PCDH7: variants seen among roughly 807,000 people sequenced by gnomAD.
PCDH7 encodes the protein protocadherin 7.
PCDH7 carries 17 observed loss-of-function variants against 58.9 expected under a neutral mutation model. The observed-to-expected ratio is 0.29, with a 90% CI of 0.20 to 0.43. The LOEUF (loss-of-function observed/expected upper bound fraction) is 0.43, where lower values mean the gene tolerates loss of function less well. Among genes scored for constraint, PCDH7 ranks in the 20% least tolerant of loss-of-function variants. The pLI is 1.00. For missense variants in PCDH7, 1,274 were observed against 1,441.0 expected, an observed-to-expected ratio of 0.88 and a Z score of 1.88; for synonymous variants, 664 against 616.4, an observed-to-expected ratio of 1.08 and a Z score of -1.14.
At chr4:30,779,892 A>G (rs1421563612) in intron 1 of PCDH7, among the ~76,000 whole-genome samples, 1 of 152,094 alleles carries the variant, frequency 6.6e-6, no homozygotes, top group Non-Finnish European at 1.5e-5. Context: ...TATTCACTTC[A>G]TCTTCTCATT....
intron 3 of PCDH7, among the ~76,000 whole-genome samples, chr4:31,117,889 A>C (rs766166629): frequency 6.6e-6 from 1 of 152,156 alleles, no homozygotes; most frequent in Non-Finnish European, 1.5e-5. Context: ...CCAACATTTC[A>C]TTTCTATTGA....
At chr4:30,846,535 T>A (rs937785273) in intron 1 of PCDH7, among the ~76,000 whole-genome samples, 3 of 151,924 alleles carry the variant, frequency 2.0e-5, no homozygotes, top group Non-Finnish European at 4.4e-5. Context: ...TATGTTATAG[T>A]AACACAAAAT....
intron 1 of PCDH7, among the ~76,000 whole-genome samples, chr4:30,908,103 G>A (rs1248965680): frequency 6.6e-6 from 1 of 152,052 alleles, no homozygotes; most frequent in African/African-American, 2.4e-5. Context: ...CGGTTCGGGG[G>A]TGAGGGGCTA....
chr4:30,815,241 T>C (rs1443929564), intron 1 of PCDH7, among the ~76,000 whole-genome samples: 2 of 152,142 alleles, frequency 1.3e-5, no homozygotes, highest in Middle Eastern at 6.8e-3. Flanking sequence ...TCCATCCATA[T>C]GGGTCTGCAA....
chr4:30,927,083 C>T (rs1295528144), intron 2 of PCDH7, among the ~76,000 whole-genome samples: 1 of 152,158 alleles, frequency 6.6e-6, no homozygotes, highest in African/African-American at 2.4e-5. Context: ...CATCAAATCT[C>T]AAAGTGACTT....
intron 1 of PCDH7, among the ~76,000 whole-genome samples, chr4:30,836,773 T>C (rs146382321): frequency 6.6e-6 from 1 of 152,256 alleles, no homozygotes; most frequent in East Asian, 1.9e-4. Context: ...AATAGGATTA[T>C]AATATCTGCA....
At chr4:31,057,814 A>ATCC (rs1757374868) in intron 3 of PCDH7, among the ~76,000 whole-genome samples, 1 of 152,132 alleles carries the variant, frequency 6.6e-6, no homozygotes, top group African/African-American at 2.4e-5. Flanking sequence ...GCACAATCAG[A>ATCC]ATGCAAAACC....
At chr4:30,762,950 T>C (rs1392276626) in intron 1 of PCDH7, among the ~76,000 whole-genome samples, 1 of 152,146 alleles carries the variant, frequency 6.6e-6, no homozygotes, top group Non-Finnish European at 1.5e-5. Context: ...AATATAAATA[T>C]ATTTAGCCTA....
chr4:30,933,181 C>T (rs2109428312), intron 2 of PCDH7, among the ~76,000 whole-genome samples: 1 of 152,120 alleles, frequency 6.6e-6, no homozygotes. Context: ...CGCATGCTAC[C>T]ACACCCAGCT....
intron 3 of PCDH7, among the ~76,000 whole-genome samples, chr4:31,085,611 A>G (rs1302368362): frequency 2.6e-5 from 4 of 152,186 alleles, no homozygotes; most frequent in Non-Finnish European, 2.9e-5. Context: ...TGTCTCAGGC[A>G]TAATTTTCCA....
At chr4:30,725,037 A>G in intron 1 of PCDH7, 1 of 1,006,016 alleles carries the variant, frequency 9.9e-7, no homozygotes, top group Non-Finnish European at 1.2e-6. Flanking sequence ...TGGATTCCAT[A>G]GAAGTTTTAG....
At chr4:30,989,969 T>C (rs988471597) in intron 3 of PCDH7, among the ~76,000 whole-genome samples, 2 of 152,118 alleles carry the variant, frequency 1.3e-5, no homozygotes, top group Non-Finnish European at 2.9e-5. Flanking sequence ...CCTGATAATA[T>C]ATGTGGTACC....
chr4:30,987,384 C>T (rs762700775), intron 3 of PCDH7, among the ~76,000 whole-genome samples: 9 of 151,934 alleles, frequency 5.9e-5, no homozygotes, highest in Non-Finnish European at 1.0e-4. Flanking sequence ...GCGACTGCCT[C>T]AAAAGCTTCT....
intron 3 of PCDH7, among the ~76,000 whole-genome samples, chr4:31,039,461 A>G (rs1008054707): frequency 6.6e-6 from 1 of 152,084 alleles, no homozygotes; most frequent in Non-Finnish European, 1.5e-5. Flanking sequence ...CACAGGCATG[A>G]CTGTGGTGCT....
At chr4:30,988,210 A>G (rs990855931) in intron 3 of PCDH7, among the ~76,000 whole-genome samples, 2 of 151,902 alleles carry the variant, frequency 1.3e-5, no homozygotes, top group African/African-American at 2.4e-5. Flanking sequence ...GTACCATGTG[A>G]TAGGAAATGA....
At chr4:31,140,742 A>G (rs61794149) in intron 3 of PCDH7, among the ~76,000 whole-genome samples, 4,568 of 152,228 alleles carry the variant, frequency 0.03, 182 homozygotes, top group East Asian at 0.19. Context: ...TGATTATTAT[A>G]ATGCATCTAA....
intron 3 of PCDH7, among the ~76,000 whole-genome samples, chr4:31,013,247 C>T (rs576248572): frequency 6.7e-6 from 1 of 150,256 alleles, no homozygotes; most frequent in South Asian, 2.2e-4. Flanking sequence ...TATGGATGCA[C>T]ACATGGAAGT....
intron 1 of PCDH7, among the ~76,000 whole-genome samples, chr4:30,835,644 G>A (rs1289736634): frequency 6.6e-6 from 1 of 152,086 alleles, no homozygotes; most frequent in Non-Finnish European, 1.5e-5. Context: ...CACAAGCCCA[G>A]GGCTTGGACA....
chr4:31,115,704 T>C (rs1716908527), intron 3 of PCDH7, among the ~76,000 whole-genome samples: 2 of 152,224 alleles, frequency 1.3e-5, no homozygotes, highest in Admixed American at 6.5e-5. Context: ...ATTCTGTGCT[T>C]TCCCTCTTTC....
Sources: gnomAD v4.1 joint callset for allele counts (sites outside exome capture counted in the v4.1 genomes callset) on GRCh38, gnomAD v4.1.1 for gene constraint, MANE v1.5 for transcripts, NCBI Gene and HGNC (gene_info 2026-07-23, HGNC 2026-07-21) for gene names.